The following CDH18 variants were observed in gnomAD, a reference collection of about 807,000 sequenced individuals.
CDH18 encodes the protein cadherin-18.
In CDH18, 31 loss-of-function variants were observed where a neutral mutation model predicts 67.9. The ratio of observed to expected loss-of-function variants is 0.46; its 90% CI spans 0.34 to 0.62. The LOEUF is 0.62. CDH18 is among the 20% of genes least tolerant of loss of function. CDH18 has a pLI of 0.01. For synonymous variants in CDH18, 362 were observed against 347.2 expected, an observed-to-expected ratio of 1.04 and a Z score of -0.48; for missense variants, 890 against 975.5, an observed-to-expected ratio of 0.91 and a Z score of 1.17.
At chr5:20,275,782 CA>C (rs761149499) in intron 1 of CDH18, among the ~76,000 whole-genome samples, 6 of 152,144 alleles carry the variant, frequency 3.9e-5, no homozygotes, top group Non-Finnish European at 8.8e-5. Context: ...ATCACTGAAA[CA>C]GGCTCTGAAT....
chr5:20,476,787 A>G lies in CDH18; in HGVS notation c.-580+98675T>C, dbSNP rs148785113. On this transcript the variant is annotated intron_variant, in intron 1 of 14. Transcript: ENST00000507958. ...TCTTTTGTAATTTAAAATAATTTTA[A>G]TATAGTACTGTCTATACCATGTATC... Among the ~76,000 whole-genome samples the G allele has an allele frequency of 6.0e-3, 912 of 152,306 alleles. 6 individuals carry two copies. Among genetic ancestry groups the G allele is most frequent in the African/African-American group, 0.021 (858 of 41,580 alleles).
At chr5:19,661,062 A>G (rs1370653717) in intron 5 of CDH18, among the ~76,000 whole-genome samples, 1 of 152,070 alleles carries the variant, frequency 6.6e-6, no homozygotes, top group Non-Finnish European at 1.5e-5. Context: ...AGAAAAAAAC[A>G]AAAGACAAAG....
rs189713657 is a variant in CDH18 at position 19,490,354 on chromosome 5, A to C, written c.1631-6802T>G. ...GCAAGTGACATGCAATGATAAAATT[A>C]GTTTTTTTTATATATGATATATCAC... On this transcript the variant is annotated intron_variant, in intron 11 of 12. Coordinates refer to ENST00000382275, the MANE Select transcript of CDH18 (RefSeq NM_004934.5). Among the ~76,000 whole-genome samples the C allele has an allele frequency of 3.4e-3, 461 of 135,090 alleles. 8 individuals carry two copies. The highest frequency in any genetic ancestry group is 0.012 in the African/African-American group (439 of 36,042). 88.6% of individuals were successfully genotyped at this position (135,090 alleles called of 152,430 possible).
At chr5:20,254,348 G>C (rs1193938490) in intron 2 of CDH18, among the ~76,000 whole-genome samples, 1 of 152,136 alleles carries the variant, frequency 6.6e-6, no homozygotes, top group Non-Finnish European at 1.5e-5. Flanking sequence ...CTGACCTCAG[G>C]TGATCAGCCT....
chr5:19,648,734 C>T (rs996459698), intron 5 of CDH18, among the ~76,000 whole-genome samples: 4 of 151,884 alleles, frequency 2.6e-5, no homozygotes, highest in African/African-American at 7.3e-5. Flanking sequence ...AGCTTAGCTT[C>T]GAACCAATAT....
chr5:19,853,394 G>C (rs979577504), intron 2 of CDH18, among the ~76,000 whole-genome samples: 2 of 152,038 alleles, frequency 1.3e-5, no homozygotes, highest in African/African-American at 2.4e-5. Context: ...CCCATTCCAA[G>C]TACAGCCACC....
chr5:19,581,447 T>C (rs1743238404), intron 7 of CDH18, among the ~76,000 whole-genome samples: 2 of 152,000 alleles, frequency 1.3e-5, no homozygotes. Context: ...ATTCCTTAAA[T>C]CACCCTATTA....
At chr5:20,238,096 C>T (rs912773715) in intron 2 of CDH18, among the ~76,000 whole-genome samples, 2 of 151,840 alleles carry the variant, frequency 1.3e-5, no homozygotes, top group Non-Finnish European at 2.9e-5. Flanking sequence ...AAAAATCGAT[C>T]TATATCTTGA....
intron 1 of CDH18, chr5:20,305,663 G>T: frequency 2.4e-6 from 1 of 420,794 alleles, no homozygotes; most frequent in Non-Finnish European, 4.4e-6. Context: ...GGGAGCGGCG[G>T]TAGGGGAGAT....
chr5:20,501,854 T>G (rs185763041), intron 1 of CDH18, among the ~76,000 whole-genome samples: 21 of 148,188 alleles, frequency 1.4e-4, no homozygotes, highest in Non-Finnish European at 2.8e-4. Flanking sequence ...AAGAACTCAG[T>G]CCATCAGGAG....
intron 2 of CDH18, among the ~76,000 whole-genome samples, chr5:20,177,109 G>A (rs969894981): frequency 2.0e-5 from 3 of 152,022 alleles, no homozygotes; most frequent in Admixed American, 6.6e-5. Context: ...AGATGCAGAT[G>A]ATGAATAATA....
chr5:19,851,067 A>G (rs1229638309), intron 2 of CDH18, among the ~76,000 whole-genome samples: 3 of 151,878 alleles, frequency 2.0e-5, no homozygotes, highest in Non-Finnish European at 2.9e-5. Flanking sequence ...ATATTAGTGA[A>G]AAGTAATAAT....
intron 5 of CDH18, among the ~76,000 whole-genome samples, chr5:19,675,313 C>T (rs1305318950): frequency 1.3e-5 from 2 of 151,980 alleles, no homozygotes; most frequent in African/African-American, 2.4e-5. Flanking sequence ...TGAGAGCAGA[C>T]AACCGGTATG....
chr5:20,162,972 T>C (rs1736005375), intron 2 of CDH18, among the ~76,000 whole-genome samples: 1 of 151,794 alleles, frequency 6.6e-6, no homozygotes, highest in Non-Finnish European at 1.5e-5. Flanking sequence ...GGCCGGAGAA[T>C]CGCTTGAACC....
chr5:20,314,920 TA>T (rs1485576446), intron 1 of CDH18, among the ~76,000 whole-genome samples: 1 of 152,096 alleles, frequency 6.6e-6, no homozygotes, highest in Non-Finnish European at 1.5e-5. Flanking sequence ...AAATAATGTT[TA>T]TTCCCTTCAC....
intron 2 of CDH18, among the ~76,000 whole-genome samples, chr5:19,957,496 C>T (rs1796365713): frequency 6.6e-6 from 1 of 151,668 alleles, no homozygotes; most frequent in Admixed American, 6.6e-5. Flanking sequence ...TTTGAATAAT[C>T]TTTTCTAAGT....
chr5:19,989,562 T>C (rs536365837), upstream of CDH18, among the ~76,000 whole-genome samples: 62 of 152,216 alleles, frequency 4.1e-4, no homozygotes, highest in Non-Finnish European at 7.6e-4. Flanking sequence ...TGTATCCTTG[T>C]ACAAACTTAT....
At chr5:19,516,638 AG>A (rs1344641226) in intron 10 of CDH18, among the ~76,000 whole-genome samples, 2 of 152,062 alleles carry the variant, frequency 1.3e-5, no homozygotes, top group Non-Finnish European at 2.9e-5. Flanking sequence ...ATTTGCAAAG[AG>A]GTGTTTATAG....
intron 5 of CDH18, among the ~76,000 whole-genome samples, chr5:19,617,646 G>T (rs190312011): frequency 1.1e-3 from 174 of 152,230 alleles, no homozygotes; most frequent in Admixed American, 5.7e-3. Flanking sequence ...TTGAATTGTT[G>T]CCTCTTATTC....
Sources: gnomAD v4.1 joint callset for allele counts (sites outside exome capture counted in the v4.1 genomes callset) on GRCh38, gnomAD v4.1.1 for gene constraint, MANE v1.5 for transcripts, NCBI Gene and HGNC (gene_info 2026-07-23, HGNC 2026-07-21) for gene names.